Variants in CCDC171 observed in about 807,000 individuals in gnomAD.
The protein encoded by CCDC171 is coiled-coil domain-containing protein 171.
In CCDC171, 177 loss-of-function variants were observed where a neutral mutation model predicts 168.2. The ratio of observed to expected loss-of-function variants is 1.05; its 90% confidence interval spans 0.93 to 1.19. CCDC171 has a LOEUF of 1.19. CCDC171 is among the 50% of genes most tolerant of loss of function. The pLI is 0.00. For missense variants in CCDC171, 1,991 were observed against 1,539.0 expected (o/e 1.29, Z -4.91); for synonymous variants, 687 against 540.8 (o/e 1.27, Z -3.75).
chr9:15,638,545 A>G (rs2046367502), intron 7 of CCDC171, among the ~76,000 whole-genome samples: 1 of 152,114 alleles, frequency 6.6e-6, no homozygotes, highest in African/African-American at 2.4e-5. Flanking sequence ...ATATCAAACT[A>G]AAGCAACTAA....
Position 15,564,137 on chromosome 9 carries a change from T to A in CCDC171, c.41+8T>A, listed in dbSNP as rs762658534. 6.3e-7 allele frequency: 1 copy of A among 1,599,090 alleles called. No homozygotes were observed. The highest frequency in any genetic ancestry group is 8.5e-7 in the Non-Finnish European group (1 of 1,171,612). On this transcript the variant is annotated splice_region_variant and intron_variant, in intron 2 of 25. Coordinates refer to ENST00000380701, the MANE Select transcript of CCDC171 (RefSeq NM_173550.4). ...TACTGGTGATACCCAAAGGTAAGCC[T>A]CTAGTCTCTTCTTTTAGTTGATGAA...
chr9:16,069,641 T>G, the CCDC171 span, among the ~76,000 whole-genome samples: 1 of 152,360 alleles, frequency 6.6e-6, no homozygotes, highest in South Asian at 2.1e-4. Flanking sequence ...TCCCTTGATC[T>G]TCAAGGGTAT....
At chr9:15,715,794 C>G (rs890174706) in intron 11 of CCDC171, among the ~76,000 whole-genome samples, 3 of 152,078 alleles carry the variant, frequency 2.0e-5, no homozygotes, top group African/African-American at 7.2e-5. Context: ...CTATGGATTA[C>G]TGAAATAATG....
At chr9:15,791,849 G>A (rs2058285648) in intron 21 of CCDC171, among the ~76,000 whole-genome samples, 1 of 152,134 alleles carries the variant, frequency 6.6e-6, no homozygotes, top group South Asian at 2.1e-4. Flanking sequence ...AAGACCAAAG[G>A]TAGATAAAAC....
At chr9:15,661,184 G>T (rs2048289649) in intron 8 of CCDC171, among the ~76,000 whole-genome samples, 1 of 151,904 alleles carries the variant, frequency 6.6e-6, no homozygotes, top group Non-Finnish European at 1.5e-5. Flanking sequence ...GGAGGCTGAG[G>T]CAGGAGAATG....
chr9:15,615,221 A>G (rs868388277), intron 6 of CCDC171, among the ~76,000 whole-genome samples: 5 of 152,312 alleles, frequency 3.3e-5, no homozygotes, highest in South Asian at 2.1e-4. Flanking sequence ...TAGAAAATCA[A>G]TCAATATAAT....
At chr9:15,573,306 C>T (rs928574661) in intron 3 of CCDC171, among the ~76,000 whole-genome samples, 16 of 151,950 alleles carry the variant, frequency 1.1e-4, no homozygotes, top group East Asian at 1.9e-4. Context: ...GACGAAGTCT[C>T]GCTCTGTCAC....
chr9:15,595,594 T>C (rs2042289264), intron 6 of CCDC171, among the ~76,000 whole-genome samples: 1 of 152,214 alleles, frequency 6.6e-6, no homozygotes, highest in Non-Finnish European at 1.5e-5. Flanking sequence ...TTGTGAATAG[T>C]GCCTCAAGAA....
chr9:15,832,560 A>G (rs927764489), intron 21 of CCDC171, among the ~76,000 whole-genome samples: 1 of 152,214 alleles, frequency 6.6e-6, no homozygotes, highest in Admixed American at 6.5e-5. Context: ...TTATGTGAAC[A>G]TAGAAAAAAT....
intron 24 of CCDC171, among the ~76,000 whole-genome samples, chr9:15,913,638 A>G (rs866884226): frequency 1.2e-4 from 18 of 152,006 alleles, no homozygotes; most frequent in Non-Finnish European, 2.4e-4. Context: ...CTGAAGCCCA[A>G]TTCTGTCCAT....
intron 1 of CCDC171, among the ~76,000 whole-genome samples, chr9:15,560,713 T>C (rs1307015160): frequency 6.6e-6 from 1 of 152,194 alleles, no homozygotes; most frequent in Non-Finnish European, 1.5e-5. Flanking sequence ...TTACCCATCG[T>C]CTGAAGCCTT....
chr9:15,604,326 T>C (rs1277092758), intron 6 of CCDC171, among the ~76,000 whole-genome samples: 2 of 152,156 alleles, frequency 1.3e-5, no homozygotes, highest in Non-Finnish European at 2.9e-5. Context: ...ATCTTTGCCC[T>C]GCCACAAGCT....
chr9:15,787,581 T>G (rs571982170), intron 21 of CCDC171, among the ~76,000 whole-genome samples: 1 of 152,252 alleles, frequency 6.6e-6, no homozygotes, highest in South Asian at 2.1e-4. Flanking sequence ...AGTATCAAGA[T>G]GAACAACCTG....
At chr9:15,635,875 G>A (rs181902897) in intron 7 of CCDC171, among the ~76,000 whole-genome samples, 1 of 152,166 alleles carries the variant, frequency 6.6e-6, no homozygotes, top group East Asian at 1.9e-4. Flanking sequence ...AGTTTGTTTT[G>A]TACAGTGGCA....
intron 24 of CCDC171, among the ~76,000 whole-genome samples, chr9:15,918,384 G>T (rs1407584963): frequency 6.7e-6 from 1 of 150,032 alleles, no homozygotes; most frequent in East Asian, 2.0e-4. Context: ...GAGGGATTAT[G>T]TGGCATTTCC....
chr9:15,809,233 A>G (rs555798213), intron 21 of CCDC171, among the ~76,000 whole-genome samples: 1 of 152,304 alleles, frequency 6.6e-6, no homozygotes, highest in Non-Finnish European at 1.5e-5. Context: ...GCATGAGTGT[A>G]TTTGCAATGA....
chr9:15,605,172 C>A (rs1007275587), intron 6 of CCDC171, among the ~76,000 whole-genome samples: 3 of 152,074 alleles, frequency 2.0e-5, no homozygotes, highest in Non-Finnish European at 4.4e-5. Context: ...ATTGAGATTA[C>A]AGGAGTGAGC....
chr9:15,721,686 T>C (rs2053489122), intron 11 of CCDC171, 83 bp from the exon 12 acceptor site: 5 of 570,912 alleles, frequency 8.8e-6, no homozygotes, highest in South Asian at 7.3e-5. Context: ...CTCTACCTAA[T>C]TGTAGTATCT....
At position 15,642,359 on chromosome 9, in the gene CCDC171, A is replaced by G. The variant is rs1290138749; in HGVS notation, c.823-14768A>G. 7.4e-3 allele frequency among the ~76,000 whole-genome samples: 310 copies of G among 42,030 alleles called. 11 individuals are homozygous for G. Among genetic ancestry groups the G allele is most frequent in the African/African-American group, 0.017 (289 of 17,166 alleles). 27.6% of individuals were successfully genotyped at this position (42,030 alleles called of 152,430 possible). On this transcript the variant is annotated intron_variant, in intron 7 of 25. Coordinates refer to ENST00000380701, the MANE Select transcript of CCDC171 (RefSeq NM_173550.4). Reference sequence around the variant, plus strand: ...TGTGTGTGTGTATATATATATATATATATATATATATATATATATATATAT... The same window carrying G: ...TGTGTGTGTGTATATATATATATATGTATATATATATATATATATATATAT...
Sources: allele counts gnomAD v4.1 joint callset (sites outside exome capture counted in the v4.1 genomes callset), GRCh38; gene constraint gnomAD v4.1.1; transcripts MANE v1.5; gene names NCBI Gene and HGNC (gene_info 2026-07-23, HGNC 2026-07-21).